Variants in GABRB3 observed in about 807,000 individuals in gnomAD.
The protein encoded by GABRB3 is gamma-aminobutyric acid type A receptor subunit beta3.
In GABRB3, 14 loss-of-function variants were observed where a neutral mutation model predicts 52.1. The ratio of observed to expected loss-of-function variants is 0.27; its 90% CI spans 0.18 to 0.42. GABRB3 has a LOEUF of 0.42. Ranked by LOEUF, GABRB3 falls within the 10% of genes least tolerant of loss-of-function variation. The pLI, the probability that GABRB3 is intolerant of heterozygous loss-of-function variation, is 1.00. For missense variants in GABRB3, 307 were observed against 609.1 expected, an observed-to-expected ratio of 0.50 and a Z score of 5.22; for synonymous variants, 260 against 232.3, an observed-to-expected ratio of 1.12 and a Z score of -1.08.
chr15:26,710,196 T>G (rs1465976682), intron 3 of GABRB3, among the ~76,000 whole-genome samples: 1 of 152,216 alleles, frequency 6.6e-6, no homozygotes, highest in Non-Finnish European at 1.5e-5. Flanking sequence ...CTGGGGTTGT[T>G]TTTAGTTTAG....
chr15:26,583,523 C>G, intron 4 of GABRB3, 109 bp from the exon 5 acceptor site: 2 of 812,358 alleles, frequency 2.5e-6, no homozygotes, highest in East Asian at 2.5e-5. Context: ...GCCCAAAGTA[C>G]GCCTGGCTAA....
chr15:26,772,019 C>G (rs923286230), intron 3 of GABRB3: 1 of 214,328 alleles, frequency 4.7e-6, no homozygotes, highest in African/African-American at 2.3e-5. Context: ...GGAGCCACCC[C>G]CACATCTCGC....
chr15:26,589,967 C>T (rs991515085), intron 4 of GABRB3, among the ~76,000 whole-genome samples: 6 of 152,144 alleles, frequency 3.9e-5, no homozygotes, highest in South Asian at 4.1e-4. Context: ...GACACATTCC[C>T]GCTAACAAGC....
chr15:26,637,450 T>G (rs558170129), intron 3 of GABRB3, among the ~76,000 whole-genome samples: 1 of 152,184 alleles, frequency 6.6e-6, no homozygotes, highest in Admixed American at 6.5e-5. Context: ...GCTGCATGAG[T>G]GCAGGAAATT....
At chr15:26,652,826 A>G (rs1887239043) in intron 3 of GABRB3, among the ~76,000 whole-genome samples, 1 of 152,222 alleles carries the variant, frequency 6.6e-6, no homozygotes, top group African/African-American at 2.4e-5. Context: ...TATCTCCAGA[A>G]TACAGGAAAT....
In GABRB3 at chr15:26,731,063, G is replaced by GCTCT. The variant is rs1245667511; in HGVS notation, c.240+41335_240+41338dup. On this transcript the variant is annotated intron_variant, in intron 3 of 8. Coordinates refer to ENST00000311550, the MANE Select transcript of GABRB3 (RefSeq NM_000814.6). ...ATTAATGATGCAGGCTCTCTCACTC[G>GCTCT]CTCTCGCTCTCTCTCTCTCTCTCTA... 2.6e-4 allele frequency among the ~76,000 whole-genome samples: 21 copies of GCTCT among 80,968 alleles called. No individual in the cohort carries two copies. In the East Asian group the frequency reaches 4.3e-3, roughly 16 times the overall value. 53.1% of individuals were successfully genotyped at this position (80,968 alleles called of 152,430 possible). A position where few individuals can be genotyped will look rare whatever the true frequency, so the allele number is the denominator to read the frequency against.
Position 26,616,603 on chromosome 15 carries a change from G to GAA in GABRB3, c.461+4709_461+4710dup, listed in dbSNP as rs5811433. On this transcript the variant is annotated intron_variant, in intron 4 of 8. Transcript: ENST00000311550. ...TAAGGAGTATACCTATACTACACTT[G>GAA]AAAAAAAAAAAAACCAGCTACTTAC... Among the ~76,000 whole-genome samples the GAA allele has an allele frequency of 8.3e-3, 1,134 of 136,564 alleles. 20 individuals are homozygous for GAA. Among genetic ancestry groups the GAA allele is most frequent in the African/African-American group, 0.028 (1,090 of 38,426 alleles). The allele number at this position is 136,564 out of a possible 152,430, so 89.6% of individuals were successfully genotyped here.
At chr15:26,755,036 G>T (rs891866925) in intron 3 of GABRB3, among the ~76,000 whole-genome samples, 1 of 133,858 alleles carries the variant, frequency 7.5e-6, no homozygotes, top group East Asian at 2.2e-4. Flanking sequence ...ACGGAGTCTC[G>T]CTCTGTCACC....
At chr15:26,751,562 CTAAT>C (rs1353394927) in intron 3 of GABRB3, among the ~76,000 whole-genome samples, 1 of 152,114 alleles carries the variant, frequency 6.6e-6, no homozygotes, top group Non-Finnish European at 1.5e-5. Context: ...TGTTACACTC[CTAAT>C]TTTCATTATA....
chr15:26,723,034 T>C (rs1363871860), intron 3 of GABRB3, among the ~76,000 whole-genome samples: 1 of 152,182 alleles, frequency 6.6e-6, no homozygotes, highest in Non-Finnish European at 1.5e-5. Flanking sequence ...GCTTCCAAAA[T>C]GTCACTCAAA....
intron 3 of GABRB3, among the ~76,000 whole-genome samples, chr15:26,731,408 C>A (rs1889910941): frequency 6.6e-6 from 1 of 152,110 alleles, no homozygotes; most frequent in Non-Finnish European, 1.5e-5. Flanking sequence ...TGAATAAAAC[C>A]TTTTTGAGGC....
rs1410611212 is a variant in GABRB3 at position 26,546,571 on chromosome 15, C to T, written c.*1222G>A. ...GTCAGTCTAGGAGTAGTTGGATGTGCTTATGAAATATGTCAGATACAGAAA... is the reference window on the plus strand; with the variant it reads ...GTCAGTCTAGGAGTAGTTGGATGTGTTTATGAAATATGTCAGATACAGAAA... On this transcript the variant is annotated 3_prime_UTR_variant, in exon 9 of 9. Transcript: ENST00000311550. The T allele has an allele frequency of 6.6e-6, 1 of 152,310 alleles. No homozygotes were observed. Among genetic ancestry groups the T allele is most frequent in the East Asian group, 1.9e-4 (1 of 5,158 alleles). The allele number at this position is 152,310 out of a possible 1,614,324, so 9.4% of individuals were successfully genotyped here. A position where few individuals can be genotyped will look rare whatever the true frequency, so the allele number is the denominator to read the frequency against.
At chr15:26,733,522 C>G (rs930391533) in intron 3 of GABRB3, among the ~76,000 whole-genome samples, 9 of 152,058 alleles carry the variant, frequency 5.9e-5, no homozygotes. Context: ...TAAATGAAAA[C>G]AAAGTCCATG....
At chr15:26,617,649 T>C (rs1464263237) in intron 4 of GABRB3, among the ~76,000 whole-genome samples, 1 of 151,790 alleles carries the variant, frequency 6.6e-6, no homozygotes, top group East Asian at 1.9e-4. Flanking sequence ...AACATAGTGT[T>C]GGAAGTTCTG....
intron 3 of GABRB3, among the ~76,000 whole-genome samples, chr15:26,770,576 T>C (rs1555383716): frequency 6.6e-6 from 1 of 152,200 alleles, no homozygotes; most frequent in Non-Finnish European, 1.5e-5. Context: ...TTCAAACAAA[T>C]ATGTGATGGT....
chr15:26,640,182 T>C (rs1193861387), intron 3 of GABRB3, among the ~76,000 whole-genome samples: 1 of 152,194 alleles, frequency 6.6e-6, no homozygotes, highest in African/African-American at 2.4e-5. Context: ...TTGAGGCCAC[T>C]GAATGCAAAC....
chr15:26,718,727 C>T (rs1889566429), intron 3 of GABRB3, among the ~76,000 whole-genome samples: 1 of 152,158 alleles, frequency 6.6e-6, no homozygotes, highest in Admixed American at 6.5e-5. Flanking sequence ...GAACACCACC[C>T]ACCATCCATC....
At chr15:26,696,944 T>G (rs1888760209) in intron 3 of GABRB3, among the ~76,000 whole-genome samples, 1 of 152,174 alleles carries the variant, frequency 6.6e-6, no homozygotes, top group South Asian at 2.1e-4. Context: ...TGCAGTGAAT[T>G]TAAGGGAATG....
intron 8 of GABRB3, among the ~76,000 whole-genome samples, chr15:26,558,465 C>A (rs1889839025): frequency 6.6e-6 from 1 of 152,168 alleles, no homozygotes; most frequent in Admixed American, 6.5e-5. Context: ...AGCAAGAAAA[C>A]CTCCATAGGC....
Sources: allele counts gnomAD v4.1 joint callset (sites outside exome capture counted in the v4.1 genomes callset), GRCh38; gene constraint gnomAD v4.1.1; transcripts MANE v1.5; gene names NCBI Gene and HGNC (gene_info 2026-07-23, HGNC 2026-07-21).